ETFDH: variants seen among roughly 807,000 people sequenced by gnomAD.
ETFDH encodes electron transfer flavoprotein dehydrogenase, also known as electron transfer flavoprotein-ubiquinone oxidoreductase, mitochondrial.
ETFDH carries 61 observed loss-of-function variants against 73.2 expected under a neutral mutation model. That is an observed-to-expected ratio of 0.83 (90% CI 0.68 to 1.03). The LOEUF (loss-of-function observed/expected upper bound fraction) is 1.03, where lower values mean the gene tolerates loss of function less well. Ranked by LOEUF, ETFDH falls within the 50% of genes least tolerant of loss-of-function variation. The pLI is 0.00. For missense variants in ETFDH, 685 were observed against 745.0 expected (o/e 0.92, Z 0.94); for synonymous variants, 243 against 253.3 (o/e 0.96, Z 0.39).
Position 158,689,619 on chromosome 4 carries a change from TA to T in ETFDH, c.607-728del, listed in dbSNP as rs1580405201. 2.2e-4 allele frequency among the ~76,000 whole-genome samples: 26 copies of T among 120,592 alleles called. 1 individual carries two copies. The South Asian group carries it at 4.6e-3, about 21-fold the overall frequency. The allele number at this position is 120,592 out of a possible 152,430, so 79.1% of individuals were successfully genotyped here. On this transcript the variant is annotated intron_variant, in intron 5 of 12. Transcript: ENST00000511912. ...TCATATATATATATATATATATATATATATATATATATATATATTGTGGGGG... is the reference window on the plus strand; with the variant it reads ...TCATATATATATATATATATATATATTATATATATATATATATTGTGGGGG...
Position 158,708,513 on chromosome 4 carries a change from T to G in ETFDH, c.1840T>G (p.Tyr614Asp). 2 of 1,613,708 alleles carry G rather than the reference T, an allele frequency of 1.2e-6. No individual in the cohort carries two copies. ...VVPEGGGGPAYNGM is the reference protein window; with the variant it reads ...VVPEGGGGPADNGM ...ACCTGAAGGTGGAGGAGGACCTGCT[T>G]ACAATGGAATGTAAACTGCAGCTAG... Residue 614 changes from tyrosine (Y) to aspartate (D), a missense_variant, in exon 13 of 13, where the codon TAC (tyrosine) becomes GAC (aspartate). Coordinates refer to ENST00000511912, the MANE Select transcript of ETFDH (RefSeq NM_004453.4).
At position 158,684,678 on chromosome 4, in the gene ETFDH, G is replaced by A; in HGVS notation, c.487+5G>A. ...TTCCTGTGCCAATTCTTCCAGGTAA[G>A]GTATAGTGAATATGCATAGAACTAT... On this transcript the variant is annotated splice_donor_5th_base_variant and intron_variant, in intron 4 of 12. Transcript: ENST00000511912. The A allele has an allele frequency of 6.9e-7, 1 of 1,455,542 alleles. No individual in the cohort carries two copies. The highest frequency in any genetic ancestry group is 9.7e-7 in the Non-Finnish European group (1 of 1,035,506). The allele number at this position is 1,455,542 out of a possible 1,614,324, so 90.2% of individuals were successfully genotyped here.
rs1561242391 is a variant in ETFDH at position 158,689,629 on chromosome 4, TA to T, written c.607-718del. Among the ~76,000 whole-genome samples, 313 of 117,254 alleles carry T rather than the reference TA, an allele frequency of 2.7e-3. 24 individuals carry two copies. Among genetic ancestry groups the T allele is most frequent in the African/African-American group, 8.9e-3 (263 of 29,566 alleles). 76.9% of individuals were successfully genotyped at this position (117,254 alleles called of 152,430 possible). ...ATATATATATATATATATATATATA[TA>T]TATATATTGTGGGGGGGTGGGTTCA... On this transcript the variant is annotated intron_variant, in intron 5 of 12. Coordinates refer to ENST00000511912, the MANE Select transcript of ETFDH (RefSeq NM_004453.4).
intron 9 of ETFDH, among the ~76,000 whole-genome samples, chr4:158,701,274 G>A (rs1030200317): frequency 6.6e-6 from 1 of 152,074 alleles, no homozygotes; most frequent in African/African-American, 2.4e-5. Flanking sequence ...AATCGAACTT[G>A]GTGTCAACAA....
chr4:158,695,768 T>TGCTGTGGAAGC, intron 7 of ETFDH, 125 bp downstream of exon 7: 1 of 722,488 alleles, frequency 1.4e-6, no homozygotes, highest in Non-Finnish European at 2.4e-6. Flanking sequence ...GAAATGTTCA[T>TGCTGTGGAAGC]TATGACTAAA....
intron 12 of ETFDH, among the ~76,000 whole-genome samples, chr4:158,708,036 G>A (rs1361871009): frequency 6.6e-6 from 1 of 152,180 alleles, no homozygotes; most frequent in African/African-American, 2.4e-5. Context: ...GGCGTCTACT[G>A]GGGATCTTGG....
chr4:158,679,485 C>A (rs768783592), intron 1 of ETFDH: 7 of 152,136 alleles, frequency 4.6e-5, no homozygotes, highest in Non-Finnish European at 8.8e-5. Context: ...GGAGAAAAGA[C>A]ATCTCTTCTG....
chr4:158,679,916 A>C (rs958490558), intron 1 of ETFDH: 6 of 151,376 alleles, frequency 4.0e-5, no homozygotes, highest in African/African-American at 1.5e-4. Flanking sequence ...TACTAAAAAA[A>C]AAAAACAAAA....
At chr4:158,699,361 G>A (rs964241016) in intron 9 of ETFDH, among the ~76,000 whole-genome samples, 5 of 152,094 alleles carry the variant, frequency 3.3e-5, no homozygotes, top group East Asian at 1.9e-4. Flanking sequence ...TTGGAAGGCC[G>A]AGTTGGGTAG....
At chr4:158,695,709 G>T in intron 7 of ETFDH, 66 bp downstream of exon 7, 1 of 1,120,004 alleles carries the variant, frequency 8.9e-7, no homozygotes, top group East Asian at 2.4e-5. Flanking sequence ...TGTATTATCA[G>T]GTAGTTTATA....
In ETFDH at chr4:158,681,994, T is replaced by G. The variant is rs184790301; in HGVS notation, c.176-201T>G. On this transcript the variant is annotated intron_variant, in intron 2 of 12. Coordinates refer to ENST00000511912, the MANE Select transcript of ETFDH (RefSeq NM_004453.4). ...AAGCCAAGAATTAGTTTATGGAAAC[T>G]GAAATAAAGTATGTACTGGAACAGA... 15 of 615,508 alleles carry G rather than the reference T, an allele frequency of 2.4e-5. No individual in the cohort carries two copies. The East Asian group carries it at 3.8e-4, about 16-fold the overall frequency. 38.1% of individuals were successfully genotyped at this position (615,508 alleles called of 1,614,324 possible).
chr4:158,695,992 C>G (rs1774299551), intron 7 of ETFDH, among the ~76,000 whole-genome samples: 1 of 152,036 alleles, frequency 6.6e-6, no homozygotes, highest in African/African-American at 2.4e-5. Flanking sequence ...GTAGGATGAC[C>G]ACATCCTACG....
chr4:158,695,302 C>T (rs1387654453), intron 6 of ETFDH, among the ~76,000 whole-genome samples, 195 bp from the exon 7 acceptor site: 3 of 152,054 alleles, frequency 2.0e-5, no homozygotes, highest in Non-Finnish European at 2.9e-5. Context: ...AAAAGATTTC[C>T]ATGAGGTATT....
chr4:158,691,318 GTTTGTT>G (rs1561243349), intron 6 of ETFDH, among the ~76,000 whole-genome samples: 7 of 151,286 alleles, frequency 4.6e-5, no homozygotes, highest in African/African-American at 7.3e-5. Flanking sequence ...ACTTTGACAT[GTTTGTT>G]TGTTTGTTTG....
At chr4:158,674,600 C>T (rs1243205339) in intron 1 of ETFDH, among the ~76,000 whole-genome samples, 1 of 152,126 alleles carries the variant, frequency 6.6e-6, no homozygotes, top group East Asian at 1.9e-4. Flanking sequence ...CATGCCTGGC[C>T]CCAGTGCTAT....
At chr4:158,698,603 A>G (rs1022115555) in intron 8 of ETFDH, among the ~76,000 whole-genome samples, 19 of 152,272 alleles carry the variant, frequency 1.2e-4, no homozygotes, top group African/African-American at 4.1e-4. Flanking sequence ...CTCCTTTCAT[A>G]GAAACATAAT....
At chr4:158,702,822 G>C (rs1774499967) in intron 9 of ETFDH, among the ~76,000 whole-genome samples, 2 of 152,094 alleles carry the variant, frequency 1.3e-5, no homozygotes, top group Admixed American at 1.3e-4. Flanking sequence ...GCTTTCTTTT[G>C]GATATATACC....
intron 4 of ETFDH, 119 bp from the exon 5 acceptor site, chr4:158,684,982 G>T: frequency 2.9e-6 from 2 of 680,058 alleles, no homozygotes. Flanking sequence ...TTGAAAGTGT[G>T]ACCATCAATG....
At chr4:158,688,821 T>G (rs181668105) in intron 5 of ETFDH, among the ~76,000 whole-genome samples, 1 of 152,378 alleles carries the variant, frequency 6.6e-6, no homozygotes, top group Admixed American at 6.5e-5. Context: ...TTAACTGTTT[T>G]TACAGATACA....
Sources: gnomAD v4.1 joint callset for allele counts (sites outside exome capture counted in the v4.1 genomes callset) on GRCh38, gnomAD v4.1.1 for gene constraint, MANE v1.5 for transcripts, NCBI Gene and HGNC (gene_info 2026-07-23, HGNC 2026-07-21) for gene names.